Variants in PCNX2 observed in about 807,000 individuals in gnomAD.
The protein encoded by PCNX2 is pecanex 2, also known as pecanex-like protein 2.
A neutral mutation model predicts 223.8 loss-of-function variants in PCNX2; 168 were observed. The ratio of observed to expected loss-of-function variants is 0.75; its 90% CI spans 0.66 to 0.85. PCNX2 has a LOEUF of 0.85. Ranked by LOEUF, PCNX2 falls within the 40% of genes least tolerant of loss-of-function variation. The pLI is 0.00. For missense variants in PCNX2, 2,507 were observed against 2,675.5 expected, an observed-to-expected ratio of 0.94 and a Z score of 1.39; for synonymous variants, 1,006 against 1,052.6, an observed-to-expected ratio of 0.96 and a Z score of 0.86.
chr1:233,225,977 C>A (rs1275057846), intron 10 of PCNX2, among the ~76,000 whole-genome samples: 1 of 152,054 alleles, frequency 6.6e-6, no homozygotes, highest in Non-Finnish European at 1.5e-5. Flanking sequence ...TAGTTTTTTT[C>A]ATATGTGATC....
intron 17 of PCNX2, among the ~76,000 whole-genome samples, chr1:233,164,771 G>C (rs1243498251): frequency 6.6e-6 from 1 of 151,954 alleles, no homozygotes; most frequent in Non-Finnish European, 1.5e-5. Context: ...AGTGAAATAA[G>C]ACAGGCACAG....
chr1:233,088,558 T>C (rs1231216118), intron 23 of PCNX2, among the ~76,000 whole-genome samples: 1 of 152,204 alleles, frequency 6.6e-6, no homozygotes, highest in Non-Finnish European at 1.5e-5. Context: ...CAAATGCAAA[T>C]GAGCAGCCTT....
At chr1:232,986,062 T>C (rs1395871721) in intron 33 of PCNX2, 30 bp downstream of exon 33, 1 of 1,551,458 alleles carries the variant, frequency 6.4e-7, no homozygotes, top group South Asian at 1.2e-5. Context: ...CATCCCAGCC[T>C]GTCCTGGTGA....
At chr1:233,197,591 A>C (rs978651390) in intron 15 of PCNX2, among the ~76,000 whole-genome samples, 11 of 152,244 alleles carry the variant, frequency 7.2e-5, no homozygotes, top group Non-Finnish European at 1.5e-4. Flanking sequence ...TTACCTTTGT[A>C]TATTAGATAC....
At chr1:233,135,226 A>G in intron 20 of PCNX2, 36 bp from the exon 21 acceptor site, 1 of 1,584,980 alleles carries the variant, frequency 6.3e-7, no homozygotes, top group Non-Finnish European at 8.6e-7. Flanking sequence ...AATCAATGAC[A>G]GTGTGCACAC....
chr1:233,166,462 A>G (rs1678803129), intron 17 of PCNX2, among the ~76,000 whole-genome samples: 2 of 58,790 alleles, frequency 3.4e-5, no homozygotes, highest in Admixed American at 1.4e-4. Flanking sequence ...CAAGCCAAAG[A>G]CTAGGGAAAA....
intron 21 of PCNX2, among the ~76,000 whole-genome samples, chr1:233,114,506 G>A (rs1203067015): frequency 1.3e-5 from 2 of 152,210 alleles, no homozygotes; most frequent in African/African-American, 4.8e-5. Context: ...GTTTTGGGCA[G>A]AGAAGGTACA....
intron 28 of PCNX2, among the ~76,000 whole-genome samples, chr1:233,008,918 C>A (rs1159770533): frequency 6.6e-6 from 1 of 152,124 alleles, no homozygotes; most frequent in East Asian, 1.9e-4. Flanking sequence ...AAGGTGGATG[C>A]CCTGGAGCAG....
In PCNX2 at chr1:233,034,388, G is replaced by A. The variant is rs564488639; in HGVS notation, c.4352-8989C>T. 3.9e-5 allele frequency among the ~76,000 whole-genome samples: 6 copies of A among 152,194 alleles called. No individual in the cohort carries two copies. In the East Asian group the frequency reaches 9.7e-4, roughly 24 times the overall value. On this transcript the variant is annotated intron_variant, in intron 25 of 33. Coordinates refer to ENST00000258229, the MANE Select transcript of PCNX2 (RefSeq NM_014801.4). ...ATGGCTGTCTGCAGACCAGGAAATG[G>A]GCCCTCACCAGACACTAGATCTGCT... is the stretch of plus-strand genomic sequence containing the variant.
chr1:233,299,091 C>G (rs1418330988), upstream of PCNX2, among the ~76,000 whole-genome samples: 4 of 152,098 alleles, frequency 2.6e-5, no homozygotes, highest in Non-Finnish European at 4.4e-5. Flanking sequence ...AATGTGAACT[C>G]TCTGTCTTCT....
At chr1:233,012,094 T>C (rs1007459867) in intron 28 of PCNX2, among the ~76,000 whole-genome samples, 8 of 152,136 alleles carry the variant, frequency 5.3e-5, no homozygotes, top group African/African-American at 9.7e-5. Context: ...CCCACATATA[T>C]TGGGGCCACA....
chr1:233,172,970 A>T (rs920391456), intron 17 of PCNX2, among the ~76,000 whole-genome samples: 3 of 152,098 alleles, frequency 2.0e-5, no homozygotes, highest in African/African-American at 7.2e-5. Context: ...AGCACATAAG[A>T]TTCATTTTTC....
At chr1:233,271,285 A>G (rs1018492131) in intron 1 of PCNX2, among the ~76,000 whole-genome samples, 105 of 152,340 alleles carry the variant, frequency 6.9e-4, no homozygotes, top group Non-Finnish European at 7.2e-4. Flanking sequence ...ATGAATGTTT[A>G]TAAAATATAA....
chr1:233,295,156 C>T lies in PCNX2; in HGVS notation c.153+170G>A, dbSNP rs900416203. The stretch of plus-strand genomic sequence containing the variant: ...TTCTTTTCCAGTGAATCCTCACAGT[C>T]CCCTTTCCCTGCATGTTCTCTGTCC... On this transcript the variant is annotated intron_variant, in intron 1 of 33. Transcript: ENST00000258229. This position sits in a 1 kb window ranked among gnomAD's most constrained non-coding sequence, Gnocchi z 4.1. 1.1e-4 allele frequency among the ~76,000 whole-genome samples: 17 copies of T among 152,164 alleles called. No homozygotes were observed. Among genetic ancestry groups the T allele is most frequent in the African/African-American group, 4.1e-4 (17 of 41,448 alleles).
intron 15 of PCNX2, among the ~76,000 whole-genome samples, chr1:233,188,693 T>C (rs1466665430): frequency 6.6e-6 from 1 of 152,096 alleles, no homozygotes. Flanking sequence ...CAACTAATTT[T>C]TGTATTTTTA....
chr1:233,141,717 C>CTGTGTG (rs201516662), intron 19 of PCNX2, among the ~76,000 whole-genome samples: 1 of 150,866 alleles, frequency 6.6e-6, no homozygotes, highest in Non-Finnish European at 1.5e-5. Context: ...ATATATATAT[C>CTGTGTG]TGTGTGTGTA....
At chr1:232,986,595 C>G in intron 32 of PCNX2, 55 bp from the exon 33 acceptor site, 1 of 1,428,772 alleles carries the variant, frequency 7.0e-7, no homozygotes, top group South Asian at 1.5e-5. Flanking sequence ...AACATCGATA[C>G]CTGTGTGGTG....
rs1185651086 is a variant in PCNX2 at position 233,252,488 on chromosome 1, T to C, written c.1994A>G (p.Asn665Ser). 10 of 1,607,154 alleles carry C rather than the reference T, an allele frequency of 6.2e-6. No individual in the cohort carries two copies. The highest frequency in any genetic ancestry group is 8.5e-6 in the Non-Finnish European group (10 of 1,175,528). The change falls in exon 7 of 34, where the codon AAT becomes AGT. Residue 665 changes from asparagine (N) to serine (S), a missense_variant. This residue lies in a region of PCNX2 where 1,031 missense variants were observed against 1,021.7 expected (regional missense o/e 1.01). Transcript: ENST00000258229. ...PAKTTAFFQG[N>S]RQRQIIYRVT... ...CCTGTAGATTATCTGTCTTTGTCTA[T>C]TGCCCTGAAAACTTAACACATATAA...
the PCNX2 span, among the ~76,000 whole-genome samples, chr1:233,306,658 C>CA: frequency 1.3e-5 from 2 of 152,016 alleles, no homozygotes; most frequent in Non-Finnish European, 1.5e-5. Context: ...AAGCTGTATT[C>CA]AAAAAAACAA....
Sources: allele counts gnomAD v4.1 joint callset (sites outside exome capture counted in the v4.1 genomes callset), GRCh38; gene constraint gnomAD v4.1.1; regional missense constraint gnomAD v4.1.1; non-coding constraint Gnocchi (gnomAD v3.1); transcripts MANE v1.5; gene names NCBI Gene and HGNC (gene_info 2026-07-23, HGNC 2026-07-21).